The following CSNK2A1 variants were observed in gnomAD, a reference collection of about 807,000 sequenced individuals.
CSNK2A1 encodes casein kinase II subunit alpha.
Under a neutral mutation model 62.9 loss-of-function variants are expected in CSNK2A1, and 10 were observed. The ratio of observed to expected loss-of-function variants is 0.16; its 90% confidence interval spans 0.10 to 0.27. The LOEUF is 0.27. CSNK2A1 is among the 10% of genes least tolerant of loss of function. The probability of loss-of-function intolerance (pLI) is 1.00; values close to 1 mark genes in which losing one functional copy is unlikely to be tolerated. For missense variants in CSNK2A1, 160 were observed against 492.0 expected (o/e 0.33, Z 6.38); for synonymous variants, 124 against 167.8 (o/e 0.74, Z 2.02).
At chr20:490,776 G>C (rs1266946047) in intron 9 of CSNK2A1, among the ~76,000 whole-genome samples, 2 of 147,452 alleles carry the variant, frequency 1.4e-5, no homozygotes, top group Admixed American at 6.9e-5. Flanking sequence ...CGTGATCATA[G>C]CTCACTGCAG....
chr20:499,976 A>AAAAAT lies in CSNK2A1; in HGVS notation c.214-43_214-42insATTTT. On this transcript the variant is annotated intron_variant, in intron 4 of 13. Transcript: ENST00000217244. This position sits in a 1 kb window ranked among gnomAD's most constrained non-coding sequence, Gnocchi z 4.2. ...ACATCAGCAAAAAAAAAAAAAAAAA[A>AAAAAT]TTTTTTCAGAGTATTTCAACACGTA... The AAAAAT allele has an allele frequency of 1.5e-6, 2 of 1,362,314 alleles. No homozygotes were observed. The highest frequency in any genetic ancestry group is 1.6e-5 in the African/African-American group (1 of 61,542). 84.4% of individuals were successfully genotyped at this position (1,362,314 alleles called of 1,614,324 possible).
chr20:505,312 T>G, intron 3 of CSNK2A1, 83 bp from the exon 4 acceptor site: 3 of 902,714 alleles, frequency 3.3e-6, no homozygotes, highest in Non-Finnish European at 5.1e-6. Flanking sequence ...CCAGCAGCTG[T>G]AATAGAAATA....
intron 2 of CSNK2A1, among the ~76,000 whole-genome samples, chr20:511,360 T>C (rs2018715446): frequency 6.6e-6 from 1 of 152,028 alleles, no homozygotes; most frequent in East Asian, 1.9e-4. Context: ...AAAACTGCCA[T>C]TTTATCCACA....
chr20:519,401 A>G (rs1052965240), intron 2 of CSNK2A1, among the ~76,000 whole-genome samples: 19 of 152,356 alleles, frequency 1.2e-4, no homozygotes, highest in Admixed American at 3.9e-4. Flanking sequence ...CCAAACATAT[A>G]ATTACAAAAT....
chr20:527,957 A>G lies in CSNK2A1; in HGVS notation c.-134T>C, dbSNP rs1415004414. On this transcript the variant is annotated 5_prime_UTR_variant, in exon 2 of 14. Transcript: ENST00000217244. ...CCAAAGAGATGTGAAACTAGTCAGTATGGGTGAATGATGTTTCTTGGAGAT... is the reference window on the plus strand; with the variant it reads ...CCAAAGAGATGTGAAACTAGTCAGTGTGGGTGAATGATGTTTCTTGGAGAT... 2 of 152,204 alleles carry G rather than the reference A, an allele frequency of 1.3e-5. No individual in the cohort carries two copies. The highest frequency in any genetic ancestry group is 2.9e-5 in the Non-Finnish European group (2 of 68,030). The allele number at this position is 152,204 out of a possible 1,614,324, so 9.4% of individuals were successfully genotyped here.
At chr20:488,835 AC>A (rs1355352306) in intron 10 of CSNK2A1, 57 bp from the exon 11 acceptor site, 24 of 1,462,372 alleles carry the variant, frequency 1.6e-5, no homozygotes, top group Middle Eastern at 1.7e-4. Context: ...TAACAAATCA[AC>A]AATTAACAAT....
At chr20:515,124 T>C (rs1324511792) in intron 2 of CSNK2A1, among the ~76,000 whole-genome samples, 1 of 152,190 alleles carries the variant, frequency 6.6e-6, no homozygotes, top group African/African-American at 2.4e-5. Flanking sequence ...AGAAGGCTGT[T>C]AACAGTAGCA....
chr20:539,414 T>C (rs563204788), intron 1 of CSNK2A1: 15 of 152,334 alleles, frequency 9.8e-5, no homozygotes, highest in Admixed American at 3.3e-4. Context: ...GCATTCCCCG[T>C]CTCACACTTT....
At chr20:532,429 G>C (rs967603697) in intron 1 of CSNK2A1, among the ~76,000 whole-genome samples, 2 of 150,590 alleles carry the variant, frequency 1.3e-5, no homozygotes, top group Non-Finnish European at 3.0e-5. Flanking sequence ...TGCCCGCCTC[G>C]GCCTCCCAAA....
chr20:521,138 G>A (rs1340491738), intron 2 of CSNK2A1, among the ~76,000 whole-genome samples: 1 of 152,064 alleles, frequency 6.6e-6, no homozygotes, highest in African/African-American at 2.4e-5. Context: ...ACACTATTAA[G>A]AAAATAAGCC....
intron 8 of CSNK2A1, chr20:492,643 T>C (rs984911752): frequency 9.1e-6 from 3 of 328,618 alleles, no homozygotes; most frequent in Middle Eastern, 7.9e-4. Flanking sequence ...TATAATCCTA[T>C]TGGTAAGCAT....
chr20:525,910 T>G (rs2019077934), intron 2 of CSNK2A1, among the ~76,000 whole-genome samples: 1 of 143,898 alleles, frequency 6.9e-6, no homozygotes, highest in East Asian at 2.1e-4. Flanking sequence ...GAGTCTGAGA[T>G]GGGAGGAACA....
chr20:514,345 AAAAC>A (rs376182205), intron 2 of CSNK2A1, among the ~76,000 whole-genome samples: 35 of 151,968 alleles, frequency 2.3e-4, no homozygotes, highest in African/African-American at 4.3e-4. Context: ...CCCTGTCTCA[AAAAC>A]AAACAAACAA....
intron 7 of CSNK2A1, chr20:496,754 T>C (rs1197170835): frequency 6.6e-6 from 1 of 152,202 alleles, no homozygotes; most frequent in Non-Finnish European, 1.5e-5. Context: ...CTTTTAGCAA[T>C]TCTCTCTTCT....
chr20:486,548 TC>T, intron 12 of CSNK2A1, 86 bp from the exon 13 acceptor site: 5 of 1,445,308 alleles, frequency 3.5e-6, no homozygotes, highest in Non-Finnish European at 4.7e-6. Flanking sequence ...CCAGCTTCAT[TC>T]TTTGCAATTT....
intron 4 of CSNK2A1, 169 bp downstream of exon 4, chr20:504,949 G>T: frequency 1.7e-6 from 1 of 582,964 alleles, no homozygotes; most frequent in Non-Finnish European, 2.9e-6. Context: ...TCAGTTTCCC[G>T]ATCTGTCAAA....
rs1294669731 is a variant in CSNK2A1, at chr20:488,792, A to C, written c.724-14T>G. 8.1e-6 allele frequency: 13 copies of C among 1,600,448 alleles called. No homozygotes were observed. Among genetic ancestry groups the C allele is most frequent in the Middle Eastern group, 3.3e-4 (2 of 6,034 alleles). On this transcript the variant is annotated splice_polypyrimidine_tract_variant and intron_variant, in intron 10 of 13. Transcript: ENST00000217244. ...TATCCTCACCAACTAGTATTAAAGA[A>C]AGACAAAAACCCATATCACAAGCAT...
intron 2 of CSNK2A1, among the ~76,000 whole-genome samples, chr20:526,062 C>G (rs190652825): frequency 6.6e-6 from 1 of 152,000 alleles, no homozygotes; most frequent in African/African-American, 2.4e-5. Context: ...TAAGAACTTA[C>G]ACATATCTCA....
intron 1 of CSNK2A1, among the ~76,000 whole-genome samples, chr20:533,596 C>T (rs1163124747): frequency 2.6e-5 from 4 of 152,220 alleles, no homozygotes; most frequent in African/African-American, 7.2e-5. Context: ...GAGCGAGACG[C>T]TGTCTCAAAA....
Sources: allele counts gnomAD v4.1 joint callset (sites outside exome capture counted in the v4.1 genomes callset), GRCh38; gene constraint gnomAD v4.1.1; non-coding constraint Gnocchi (gnomAD v3.1); transcripts MANE v1.5; gene names NCBI Gene and HGNC (gene_info 2026-07-23, HGNC 2026-07-21).